Variants in STAG1 observed in about 807,000 individuals in gnomAD.
STAG1 encodes the protein cohesin subunit SA-1.
In STAG1, 26 loss-of-function variants were observed where a neutral mutation model predicts 170.9. The ratio of observed to expected loss-of-function variants is 0.15; its 90% CI spans 0.11 to 0.21. STAG1 has a LOEUF of 0.21. STAG1 is among the 10% of genes least tolerant of loss of function. STAG1 has a pLI of 1.00. For missense variants in STAG1, 964 were observed against 1,509.5 expected (o/e 0.64, Z 5.99); for synonymous variants, 514 against 497.7 (o/e 1.03, Z -0.44).
At chr3:136,642,893 G>C (rs1285350148) in intron 1 of STAG1, among the ~76,000 whole-genome samples, 1 of 152,088 alleles carries the variant, frequency 6.6e-6, no homozygotes, top group Non-Finnish European at 1.5e-5. Context: ...TGGCTTGTTG[G>C]AGCATTAAAT....
intron 1 of STAG1, among the ~76,000 whole-genome samples, chr3:136,670,671 A>G (rs1178807376): frequency 2.0e-5 from 3 of 152,002 alleles, no homozygotes; most frequent in Non-Finnish European, 4.4e-5. Context: ...AGGTTTCGCT[A>G]TGTTGGCAGG....
intron 22 of STAG1, among the ~76,000 whole-genome samples, chr3:136,387,964 A>T (rs927308649): frequency 6.6e-6 from 1 of 152,190 alleles, no homozygotes; most frequent in Non-Finnish European, 1.5e-5. Flanking sequence ...AAAAATTCAG[A>T]TGGAGGACTA....
intron 28 of STAG1, among the ~76,000 whole-genome samples, chr3:136,357,222 A>G (rs1576385257): frequency 6.6e-6 from 1 of 152,294 alleles, no homozygotes; most frequent in East Asian, 1.9e-4. Context: ...TGCTGAGATT[A>G]CAGGTGTGAG....
At chr3:136,341,996 A>G (rs931480534) in intron 30 of STAG1, among the ~76,000 whole-genome samples, 1 of 152,010 alleles carries the variant, frequency 6.6e-6, no homozygotes, top group African/African-American at 2.4e-5. Context: ...GGCACATGGA[A>G]GTGTGTGTAA....
At chr3:136,448,557 C>G (rs1442549710) in intron 14 of STAG1, among the ~76,000 whole-genome samples, 2 of 152,154 alleles carry the variant, frequency 1.3e-5, no homozygotes, top group African/African-American at 2.4e-5. Flanking sequence ...CACCTGGTCC[C>G]ACCCTTGACA....
chr3:136,510,027 A>G (rs551380455), intron 7 of STAG1, among the ~76,000 whole-genome samples: 34 of 152,296 alleles, frequency 2.2e-4, no homozygotes, highest in African/African-American at 7.7e-4. Flanking sequence ...GATTTAACAA[A>G]TCCATTTATC....
At chr3:136,347,722 C>T (rs1418939363) in intron 29 of STAG1, among the ~76,000 whole-genome samples, 1 of 152,174 alleles carries the variant, frequency 6.6e-6, no homozygotes, top group Non-Finnish European at 1.5e-5. Context: ...CATTACTATA[C>T]AATGATAACG....
chr3:136,542,879 G>C (rs566637303), intron 5 of STAG1, among the ~76,000 whole-genome samples: 1 of 152,060 alleles, frequency 6.6e-6, no homozygotes. Flanking sequence ...TAGAGGTTTA[G>C]CAACTTGCAA....
chr3:136,429,630 G>A (rs1319523409), intron 16 of STAG1, among the ~76,000 whole-genome samples: 1 of 152,176 alleles, frequency 6.6e-6, no homozygotes, highest in Non-Finnish European at 1.5e-5. Context: ...AAAGCAAATA[G>A]TGGAAGGAGG....
intron 8 of STAG1, among the ~76,000 whole-genome samples, chr3:136,502,008 C>A (rs1933504816): frequency 6.6e-6 from 1 of 151,940 alleles, no homozygotes; most frequent in South Asian, 2.1e-4. Context: ...ATGGAGAAAC[C>A]CCATCTCTAC....
At chr3:136,614,568 A>G (rs756838756) in intron 3 of STAG1, among the ~76,000 whole-genome samples, 2 of 152,248 alleles carry the variant, frequency 1.3e-5, no homozygotes, top group Non-Finnish European at 2.9e-5. Flanking sequence ...CTGTTCCTAT[A>G]TAAAAATGAT....
intron 9 of STAG1, among the ~76,000 whole-genome samples, chr3:136,488,211 C>T (rs2090054667): frequency 1.3e-5 from 2 of 152,356 alleles, no homozygotes; most frequent in East Asian, 1.9e-4. Flanking sequence ...CAACCTCCAC[C>T]TCCTGGGTTC....
chr3:136,689,919 A>G (rs11712710), intron 1 of STAG1, among the ~76,000 whole-genome samples: 1 of 151,880 alleles, frequency 6.6e-6, no homozygotes, highest in Non-Finnish European at 1.5e-5. Flanking sequence ...GCGCATGCCT[A>G]TAATCCCAGC....
At chr3:136,704,693 G>A (rs1429410842) in intron 1 of STAG1, among the ~76,000 whole-genome samples, 1 of 151,760 alleles carries the variant, frequency 6.6e-6, no homozygotes, top group East Asian at 2.0e-4. Flanking sequence ...GCCAGGCGTG[G>A]TGGCATGCAT....
At chr3:136,444,177 G>C (rs1293680033) in intron 14 of STAG1, among the ~76,000 whole-genome samples, 1 of 151,958 alleles carries the variant, frequency 6.6e-6, no homozygotes, top group African/African-American at 2.4e-5. Flanking sequence ...GCGTTCAAGT[G>C]ATTCTCCTGC....
intron 1 of STAG1, among the ~76,000 whole-genome samples, chr3:136,734,312 A>G (rs1452020517): frequency 6.6e-6 from 1 of 152,120 alleles, no homozygotes; most frequent in African/African-American, 2.4e-5. Flanking sequence ...AAAGGAGAGA[A>G]CCATGTCAAA....
intron 10 of STAG1, among the ~76,000 whole-genome samples, 195 bp downstream of exon 10, chr3:136,477,094 G>C (rs2089771883): frequency 6.6e-6 from 1 of 152,122 alleles, no homozygotes. Flanking sequence ...AACTAAACAA[G>C]ATAGGGTCTT....
chr3:136,519,896 T>A (rs565989892), intron 7 of STAG1, among the ~76,000 whole-genome samples: 1 of 152,156 alleles, frequency 6.6e-6, no homozygotes, highest in South Asian at 2.1e-4. Flanking sequence ...TTTAATCTTT[T>A]GAAAAAAGAT....
intron 3 of STAG1, among the ~76,000 whole-genome samples, chr3:136,621,639 G>A (rs929130660): frequency 7.9e-5 from 12 of 152,142 alleles, no homozygotes; most frequent in Middle Eastern, 6.8e-3. Flanking sequence ...AAAAGTAGAG[G>A]ATAAAAGCAA....
Sources: gnomAD v4.1 joint callset for allele counts (sites outside exome capture counted in the v4.1 genomes callset) on GRCh38, gnomAD v4.1.1 for gene constraint, MANE v1.5 for transcripts, NCBI Gene and HGNC (gene_info 2026-07-23, HGNC 2026-07-21) for gene names.